GLYAT: variants seen among roughly 807,000 people sequenced by gnomAD.
GLYAT encodes glycine N-acyltransferase.
In GLYAT, 25 loss-of-function variants were observed where a neutral mutation model predicts 22.8. The observed-to-expected ratio is 1.09, with a 90% CI of 0.80 to 1.53. The LOEUF (loss-of-function observed/expected upper bound fraction) is 1.53. Ranked by LOEUF, GLYAT falls within the 40% of genes most tolerant of loss-of-function variation. The pLI is 0.00. For synonymous variants in GLYAT, 140 were observed against 122.7 expected, an observed-to-expected ratio of 1.14 and a Z score of -0.93; for missense variants, 411 against 353.9, an observed-to-expected ratio of 1.16 and a Z score of -1.29.
In GLYAT at chr11:58,709,920, A is replaced by G. The variant is rs768678136; in HGVS notation, c.737T>C (p.Val246Ala). The change falls in exon 6 of 6, where the codon GTC becomes GCC. Residue 246 changes from valine (V) to alanine (A), a missense_variant. Physicochemically the swap from Val to Ala is moderately conservative, Grantham distance 64. Transcript: ENST00000344743. ...CAATTTCTGGGCGTGGGAATAGATGACATACGTCACAAGGCCATGGAGCCG... is the reference window on the plus strand; with the variant it reads ...CAATTTCTGGGCGTGGGAATAGATGGCATACGTCACAAGGCCATGGAGCCG... ...EYRLHGLVTY[V>A]IYSHAQKLGK... The G allele has an allele frequency of 6.2e-7, 1 of 1,614,128 alleles. No individual in the cohort carries two copies. The highest frequency in any genetic ancestry group is 1.1e-5 in the South Asian group (1 of 91,092).
chr11:58,724,551 C>G (rs1358981318), intron 1 of GLYAT, 40 bp from the exon 2 acceptor site: 5 of 1,127,826 alleles, frequency 4.4e-6, no homozygotes, highest in Non-Finnish European at 6.3e-6. Context: ...TTGAGAAAAG[C>G]TAGAGGAGAT....
At chr11:58,721,824 G>A (rs546000336) in intron 2 of GLYAT, among the ~76,000 whole-genome samples, 1 of 151,334 alleles carries the variant, frequency 6.6e-6, no homozygotes, top group African/African-American at 2.4e-5. Flanking sequence ...TCTTTTGCTA[G>A]CCATTTTCCT....
intron 2 of GLYAT, among the ~76,000 whole-genome samples, chr11:58,723,738 T>C (rs1194935487): frequency 6.6e-6 from 1 of 151,976 alleles, no homozygotes; most frequent in Non-Finnish European, 1.5e-5. Context: ...TCTGACTCTA[T>C]CATTGGAACT....
rs1227513288 is a variant in GLYAT, at chr11:58,710,663, T to C, written c.415A>G (p.Thr139Ala). The change falls in exon 5 of 6, where the codon ACA becomes GCA. Residue 139 changes from threonine to alanine, a missense_variant. Physicochemically the swap from Thr to Ala is moderately conservative, Grantham distance 58 (BLOSUM62 0). Coordinates refer to ENST00000344743, the MANE Select transcript of GLYAT (RefSeq NM_201648.3). ...AGGAAAGGAGTCAGTTCCTTGGCTG[T>C]TTCAGCTGCCATATAGAGAATGCGT... ...TQRILYMAAE[T>A]AKELTPFLLK... 6 of 1,612,274 alleles carry C rather than the reference T, an allele frequency of 3.7e-6. No individual in the cohort carries two copies. The African/African-American group carries it at 6.7e-5, about 18-fold the overall frequency.
At chr11:58,720,231 C>T (rs1439450886) in intron 2 of GLYAT, among the ~76,000 whole-genome samples, 1 of 151,790 alleles carries the variant, frequency 6.6e-6, no homozygotes, top group East Asian at 1.9e-4. Flanking sequence ...AGAATATTTT[C>T]CTACAATATA....
At chr11:58,713,843 T>A (rs1376709198) in intron 3 of GLYAT, among the ~76,000 whole-genome samples, 1 of 148,934 alleles carries the variant, frequency 6.7e-6, no homozygotes, top group Non-Finnish European at 1.5e-5. Flanking sequence ...CAAATAATTT[T>A]ATTTCAGTTT....
intron 5 of GLYAT, 170 bp from the exon 6 acceptor site, chr11:58,710,338 G>GGCCA: frequency 8.5e-7 from 1 of 1,183,148 alleles, no homozygotes; most frequent in Non-Finnish European, 1.1e-6. Context: ...CAGAGCTGTT[G>GGCCA]GAGGAAGAAA....
chr11:58,731,579 T>G (rs1014438951), intron 1 of GLYAT, among the ~76,000 whole-genome samples: 1 of 152,206 alleles, frequency 6.6e-6, no homozygotes, highest in African/African-American at 2.4e-5. Flanking sequence ...TGTGGATATT[T>G]AAAGTATACA....
At position 58,710,537 on chromosome 11, in the gene GLYAT, GGGA is replaced by G. The variant is rs767275250; in HGVS notation, c.488+50_488+52del. ...CAGAGTGAATGCAGGGAGAGAAGTT[GGGA>G]GGTTACTTGAGAGGTGTGAGTGGTA... On this transcript the variant is annotated intron_variant, in intron 5 of 5. Coordinates refer to ENST00000344743, the MANE Select transcript of GLYAT (RefSeq NM_201648.3). The G allele has an allele frequency of 3.8e-6, 5 of 1,325,060 alleles. No individual in the cohort carries two copies. The African/African-American group carries it at 7.1e-5, about 19-fold the overall frequency. The allele number at this position is 1,325,060 out of a possible 1,614,324, so 82.1% of individuals were successfully genotyped here.
chr11:58,718,814 C>T (rs184986828), intron 2 of GLYAT, among the ~76,000 whole-genome samples: 12 of 152,018 alleles, frequency 7.9e-5, no homozygotes, highest in Admixed American at 7.9e-4. Flanking sequence ...AGGTTTAAGG[C>T]AGCCATTGTC....
intron 3 of GLYAT, among the ~76,000 whole-genome samples, chr11:58,713,615 A>T (rs1856643441): frequency 6.6e-6 from 1 of 152,174 alleles, no homozygotes; most frequent in Admixed American, 6.5e-5. Flanking sequence ...AGTTCCAGAG[A>T]AACAAACAAT....
In GLYAT at chr11:58,710,727, A is replaced by AT; in HGVS notation, c.350dup (p.Asn117LysfsTer6). 1.9e-6 allele frequency: 3 copies of AT among 1,612,238 alleles called. No homozygotes were observed. Among genetic ancestry groups the AT allele is most frequent in the Non-Finnish European group, 2.5e-6 (3 of 1,178,332 alleles). ...CTTTGAAGGACTTAATGGCTGCAAG[A>AT]TTTTGTATAGCCTCATTCAGGCTAG... On this transcript the variant is annotated frameshift_variant, in exon 5 of 6. Transcript: ENST00000344743. LOFTEE classifies it high-confidence loss of function.
In GLYAT at chr11:58,712,821, G is replaced by A. The variant is rs137908036; in HGVS notation, c.255C>T (p.Asn85=). The A allele has an allele frequency of 8.2e-5, 132 of 1,609,836 alleles. No homozygotes were observed. In the Admixed American group the frequency reaches 1.0e-3, roughly 12 times the overall value. ...CTGGTGATCCAAGGAATTCCTGACA[G>A]TTTTGGGGATCTTTGGAGTAGATTT... ...TYQIYSKDPQ[N]CQEFLGSPEL... is the part of the protein sequence containing the mutation. Residue 85 remains asparagine (N), a synonymous_variant, in exon 4 of 6, where the codon AAC becomes AAT. Coordinates refer to ENST00000344743, the MANE Select transcript of GLYAT (RefSeq NM_201648.3).
At chr11:58,728,889 A>AAGGAGG (rs1565061058) in intron 1 of GLYAT, among the ~76,000 whole-genome samples, 1 of 101,236 alleles carries the variant, frequency 9.9e-6, no homozygotes, top group African/African-American at 4.2e-5. Flanking sequence ...AAAGAAAGAA[A>AAGGAGG]GAAGGAAGGA....
intron 2 of GLYAT, 97 bp from the exon 3 acceptor site, chr11:58,715,520 G>T: frequency 1.6e-6 from 1 of 641,418 alleles, no homozygotes; most frequent in South Asian, 1.9e-5. Flanking sequence ...ATAAAATCAT[G>T]ACATTTTATG....
chr11:58,708,895 T>C lies in GLYAT; in HGVS notation c.*871A>G, dbSNP rs1459913124. On this transcript the variant is annotated 3_prime_UTR_variant, in exon 6 of 6. Transcript: ENST00000344743. Reference sequence around the variant, plus strand: ...GAGATTAGTAATGTGCTGAGGCTAATTGGACAAGCAGGTGTTCATGCTGTC... The same window carrying C: ...GAGATTAGTAATGTGCTGAGGCTAACTGGACAAGCAGGTGTTCATGCTGTC... 1 of 152,214 alleles carries C rather than the reference T, an allele frequency of 6.6e-6. No homozygotes were observed. Among genetic ancestry groups the C allele is most frequent in the Non-Finnish European group, 1.5e-5 (1 of 68,032 alleles). 9.4% of individuals were successfully genotyped at this position (152,214 alleles called of 1,614,324 possible).
chr11:58,717,799 G>C (rs960018847), intron 2 of GLYAT, among the ~76,000 whole-genome samples: 18 of 152,006 alleles, frequency 1.2e-4, no homozygotes, highest in African/African-American at 4.3e-4. Context: ...CTAATTATTT[G>C]TATACAGTGC....
intron 1 of GLYAT, among the ~76,000 whole-genome samples, chr11:58,729,593 T>C (rs868458510): frequency 3.3e-5 from 5 of 152,316 alleles, no homozygotes; most frequent in Middle Eastern, 3.4e-3. Flanking sequence ...TAACGAATGA[T>C]TGAATACATG....
intron 2 of GLYAT, among the ~76,000 whole-genome samples, chr11:58,716,384 T>TA (rs1856680355): frequency 3.6e-4 from 3 of 8,226 alleles, no homozygotes; most frequent in African/African-American, 1.1e-3. Context: ...TCCCTCCTGC[T>TA]GCCCCTACCC....
Sources: allele counts gnomAD v4.1 joint callset (sites outside exome capture counted in the v4.1 genomes callset), GRCh38; gene constraint gnomAD v4.1.1; transcripts MANE v1.5; gene names NCBI Gene and HGNC (gene_info 2026-07-23, HGNC 2026-07-21).